Variants in XKR6 observed in about 807,000 individuals in gnomAD.
XKR6 encodes XK-related protein 6.
Under a neutral mutation model 56.7 loss-of-function variants are expected in XKR6, and 22 were observed. That is an observed-to-expected ratio of 0.39 (90% CI 0.28 to 0.55). The LOEUF is 0.55. Ranked by LOEUF, XKR6 falls within the 20% of genes least tolerant of loss-of-function variation. XKR6 has a pLI of 0.66. For synonymous variants in XKR6, 524 were observed against 387.8 expected (o/e 1.35, Z -4.13); for missense variants, 852 against 889.0 (o/e 0.96, Z 0.53).
At chr8:10,994,625 C>G (rs554430725) in intron 1 of XKR6, among the ~76,000 whole-genome samples, 2 of 152,314 alleles carry the variant, frequency 1.3e-5, no homozygotes, top group South Asian at 4.1e-4. Context: ...TCAGGTGTCT[C>G]CGAGCCTTAA....
chr8:11,024,024 C>G lies in XKR6; in HGVS notation c.765-99194G>C, dbSNP rs555903965. On this transcript the variant is annotated intron_variant, in intron 1 of 2. Transcript: ENST00000416569. The stretch of plus-strand genomic sequence containing the variant: ...TTTCTTCACATGCGTCACAACACCA[C>G]GCAGCCCTATACCAAAGACATGGCA... Among the ~76,000 whole-genome samples, 22 of 152,274 alleles carry G rather than the reference C, an allele frequency of 1.4e-4. No individual in the cohort carries two copies. The South Asian group carries it at 4.4e-3, about 30-fold the overall frequency.
intron 1 of XKR6, among the ~76,000 whole-genome samples, chr8:10,973,407 G>T (rs951815702): frequency 1.3e-5 from 2 of 152,110 alleles, no homozygotes; most frequent in Non-Finnish European, 2.9e-5. Context: ...TAAGGAGAGA[G>T]TGATATTATC....
chr8:10,958,971 G>T (rs774911306), intron 1 of XKR6, among the ~76,000 whole-genome samples: 12 of 152,200 alleles, frequency 7.9e-5, no homozygotes, highest in Non-Finnish European at 1.8e-4. Context: ...CAACAGGAAG[G>T]CATCAAGCCT....
At position 11,125,240 on chromosome 8, in the gene XKR6, G is replaced by C. The variant is rs547851496; in HGVS notation, c.764+75336C>G. Among the ~76,000 whole-genome samples, 82 of 152,252 alleles carry C rather than the reference G, an allele frequency of 5.4e-4. 2 individuals carry two copies. The highest frequency in any genetic ancestry group is 3.4e-3 in the Middle Eastern group (1 of 294). On this transcript the variant is annotated intron_variant, in intron 1 of 2. Transcript: ENST00000416569. Reference sequence around the variant, plus strand: ...CTGCTAAGGACCAAGCTGAGGACCGGAGGCGAGGCAACCGCTGCTGCTCTT... The same window carrying C: ...CTGCTAAGGACCAAGCTGAGGACCGCAGGCGAGGCAACCGCTGCTGCTCTT...
chr8:10,988,036 A>T (rs905490152), intron 1 of XKR6, among the ~76,000 whole-genome samples: 6 of 152,208 alleles, frequency 3.9e-5, no homozygotes, highest in African/African-American at 1.4e-4. Flanking sequence ...AAAAACAAAA[A>T]ACAAAAAACA....
chr8:10,907,111 G>C (rs1177860811), intron 2 of XKR6, among the ~76,000 whole-genome samples: 1 of 152,180 alleles, frequency 6.6e-6, no homozygotes, highest in African/African-American at 2.4e-5. Context: ...CACATTTGTG[G>C]CCCTAGCCCT....
intron 1 of XKR6, among the ~76,000 whole-genome samples, chr8:11,094,062 G>A (rs1006895081): frequency 6.9e-5 from 10 of 145,282 alleles, no homozygotes; most frequent in Non-Finnish European, 1.5e-4. Flanking sequence ...GGGATTACAG[G>A]CGTGAGCCAC....
intron 2 of XKR6, among the ~76,000 whole-genome samples, chr8:10,911,324 T>A (rs1325833758): frequency 1.5e-5 from 1 of 68,222 alleles, no homozygotes; most frequent in African/African-American, 6.0e-5. Flanking sequence ...AGGGTGAGTA[T>A]ATATATATAT....
At position 11,014,127 on chromosome 8, in the gene XKR6, T is replaced by G. The variant is rs566355613; in HGVS notation, c.765-89297A>C. Among the ~76,000 whole-genome samples the G allele has an allele frequency of 8.5e-5, 13 of 152,308 alleles. No homozygotes were observed. The South Asian group carries it at 2.7e-3, about 32-fold the overall frequency. ...ACAATCCACATTTTTTAACAGCCAG[T>G]AAATACTCTGGTACCGGGTCAGCAT... On this transcript the variant is annotated intron_variant, in intron 1 of 2. Coordinates refer to ENST00000416569, the MANE Select transcript of XKR6 (RefSeq NM_173683.4).
At chr8:11,121,799 T>C (rs1386367063) in intron 1 of XKR6, among the ~76,000 whole-genome samples, 1 of 152,134 alleles carries the variant, frequency 6.6e-6, no homozygotes, top group East Asian at 1.9e-4. Context: ...TGTCCAACAA[T>C]GATAGACTGG....
At chr8:11,058,193 G>A (rs983903285) in intron 1 of XKR6, among the ~76,000 whole-genome samples, 5 of 152,200 alleles carry the variant, frequency 3.3e-5, no homozygotes, top group Admixed American at 2.0e-4. Context: ...TTTTAAGTAG[G>A]GAGGGAGAGT....
chr8:10,978,751 C>A (rs982244168), intron 1 of XKR6, among the ~76,000 whole-genome samples: 1 of 152,224 alleles, frequency 6.6e-6, no homozygotes, highest in Non-Finnish European at 1.5e-5. Context: ...ACCCCAGTCT[C>A]CCTCCCTGGC....
chr8:11,081,223 G>C (rs766759018), intron 1 of XKR6, among the ~76,000 whole-genome samples: 2 of 152,178 alleles, frequency 1.3e-5, no homozygotes, highest in Non-Finnish European at 2.9e-5. Flanking sequence ...CAGAAAACTA[G>C]AAGGTACCAG....
At chr8:11,094,639 G>A (rs148287203) in intron 1 of XKR6, among the ~76,000 whole-genome samples, 134 of 152,292 alleles carry the variant, frequency 8.8e-4, no homozygotes, top group Non-Finnish European at 1.5e-3. Context: ...ACTGGGGGCT[G>A]GTGGGACCGA....
chr8:10,964,334 C>T (rs1487734714), intron 1 of XKR6, among the ~76,000 whole-genome samples: 6 of 152,194 alleles, frequency 3.9e-5, no homozygotes, highest in Non-Finnish European at 7.3e-5. Flanking sequence ...CAAAATGGAG[C>T]AGGTTGAACC....
At chr8:11,082,666 G>C (rs1797763762) in intron 1 of XKR6, among the ~76,000 whole-genome samples, 1 of 152,216 alleles carries the variant, frequency 6.6e-6, no homozygotes, top group Non-Finnish European at 1.5e-5. Context: ...CCCAACAGCA[G>C]TCCCCAAAGT....
At chr8:11,084,243 C>T (rs1483868740) in intron 1 of XKR6, among the ~76,000 whole-genome samples, 1 of 152,338 alleles carries the variant, frequency 6.6e-6, no homozygotes, top group African/African-American at 2.4e-5. Flanking sequence ...ATCTACCAAA[C>T]CAAGAGAGTT....
intron 1 of XKR6, among the ~76,000 whole-genome samples, chr8:11,186,208 T>C (rs1440295443): frequency 8.3e-6 from 1 of 120,460 alleles, no homozygotes; most frequent in East Asian, 2.3e-4. Context: ...CCCACTTTAA[T>C]CTGGAAGGTA....
chr8:11,033,041 ATGAAGATGATGATGATGGTAAT>A (rs1312385461), intron 1 of XKR6, among the ~76,000 whole-genome samples: 63 of 152,270 alleles, frequency 4.1e-4, no homozygotes, highest in African/African-American at 1.5e-3. Flanking sequence ...GGTAATAATG[ATGAAGATGATGATGATGGTAAT>A]GTGGTGGTGA....
Sources: allele counts gnomAD v4.1 joint callset (sites outside exome capture counted in the v4.1 genomes callset), GRCh38; gene constraint gnomAD v4.1.1; transcripts MANE v1.5; gene names NCBI Gene and HGNC (gene_info 2026-07-23, HGNC 2026-07-21).